LRRC7: variants seen among roughly 807,000 people sequenced by gnomAD.
LRRC7 encodes the protein leucine-rich repeat-containing protein 7.
LRRC7 carries 23 observed loss-of-function variants against 175.7 expected under a neutral mutation model. The observed-to-expected ratio is 0.13, with a 90% CI of 0.09 to 0.19. The LOEUF (loss-of-function observed/expected upper bound fraction) is 0.19. LRRC7 is among the 10% of genes least tolerant of loss of function. LRRC7 has a pLI of 1.00. For missense variants in LRRC7, 1,354 were observed against 1,904.7 expected, an observed-to-expected ratio of 0.71 and a Z score of 5.38; for synonymous variants, 685 against 680.9, an observed-to-expected ratio of 1.01 and a Z score of -0.09.
chr1:69,684,850 A>G (rs1324504102), intron 2 of LRRC7, among the ~76,000 whole-genome samples: 1 of 152,192 alleles, frequency 6.6e-6, no homozygotes, highest in Admixed American at 6.5e-5. Context: ...TATAATCCCA[A>G]TCGACAGGCA....
intron 5 of LRRC7, among the ~76,000 whole-genome samples, chr1:69,827,657 G>C (rs1321107876): frequency 6.6e-6 from 1 of 151,996 alleles, no homozygotes; most frequent in Non-Finnish European, 1.5e-5. Flanking sequence ...TGGCAACATG[G>C]TGAAACCCTG....
At chr1:69,873,999 CCGAATATAATTGCT>C (rs1557837456) in intron 7 of LRRC7, 1 of 152,088 alleles carries the variant, frequency 6.6e-6, no homozygotes, top group Non-Finnish European at 1.5e-5. Context: ...TCTTCAGAGA[CCGAATATAATTGCT>C]CGTTTTTCTG....
chr1:69,773,999 G>T (rs1672535282), intron 3 of LRRC7, among the ~76,000 whole-genome samples: 1 of 152,152 alleles, frequency 6.6e-6, no homozygotes, highest in African/African-American at 2.4e-5. Context: ...GAGAGACAGA[G>T]TGATAACTGA....
intron 7 of LRRC7, chr1:69,919,811 G>C (rs904291091): frequency 3.8e-6 from 3 of 781,994 alleles, no homozygotes; most frequent in Non-Finnish European, 6.5e-6. Flanking sequence ...CACGGATTCC[G>C]GCATCCACGT....
At chr1:69,655,760 G>A (rs1417476391) in intron 1 of LRRC7, among the ~76,000 whole-genome samples, 1 of 152,006 alleles carries the variant, frequency 6.6e-6, no homozygotes, top group African/African-American at 2.4e-5. Flanking sequence ...TTTGTTTCTT[G>A]AGCTATAGAT....
intron 1 of LRRC7, among the ~76,000 whole-genome samples, chr1:69,591,280 T>G (rs1008958074): frequency 2.0e-5 from 3 of 152,124 alleles, no homozygotes; most frequent in African/African-American, 7.2e-5. Context: ...GTTCAGTTAC[T>G]GTGGAAGAGC....
At chr1:69,663,742 T>G (rs542495202) in intron 1 of LRRC7, among the ~76,000 whole-genome samples, 1 of 124,022 alleles carries the variant, frequency 8.1e-6, no homozygotes, top group South Asian at 2.9e-4. Context: ...TGAGACGGAG[T>G]CTCGCTCTGT....
intron 8 of LRRC7, among the ~76,000 whole-genome samples, chr1:69,972,070 A>G (rs960744898): frequency 1.3e-5 from 2 of 152,226 alleles, no homozygotes; most frequent in Non-Finnish European, 2.9e-5. Flanking sequence ...GGCAAGCCAC[A>G]TGTAGGAGAA....
At chr1:69,647,817 A>AT (rs1410905626) in intron 1 of LRRC7, among the ~76,000 whole-genome samples, 2 of 151,936 alleles carry the variant, frequency 1.3e-5, no homozygotes, top group African/African-American at 4.8e-5. Flanking sequence ...ATATGGGATG[A>AT]TTTTTTCAAT....
chr1:70,104,122 G>A (rs1664986546), intron 25 of LRRC7, among the ~76,000 whole-genome samples: 1 of 152,146 alleles, frequency 6.6e-6, no homozygotes. Flanking sequence ...TGGAAGTTAG[G>A]AGATAGCTTT....
At chr1:69,678,788 G>A (rs1375318120) in intron 2 of LRRC7, among the ~76,000 whole-genome samples, 5 of 152,190 alleles carry the variant, frequency 3.3e-5, no homozygotes, top group East Asian at 3.9e-4. Context: ...GCATGGTAAT[G>A]GTTCTGAGAC....
intron 1 of LRRC7, among the ~76,000 whole-genome samples, chr1:69,675,315 T>C (rs1434363925): frequency 1.3e-5 from 2 of 152,082 alleles, no homozygotes; most frequent in Non-Finnish European, 2.9e-5. Context: ...CTAATCTGTT[T>C]TTGAGTTTTT....
At position 70,130,748 on chromosome 1, in the gene LRRC7, A is replaced by T. The variant is rs879538344; in HGVS notation, c.*8861A>T. ...AAGAAGTCATGCACATTGTCACTAG[A>T]TTACGTTACCTAAGCAATTTTTACA... On this transcript the variant is annotated 3_prime_UTR_variant, in exon 27 of 27. Transcript: ENST00000651989. Among the ~76,000 whole-genome samples, 3 of 152,278 alleles carry T rather than the reference A, an allele frequency of 2.0e-5. No individual in the cohort carries two copies. The highest frequency in any genetic ancestry group is 2.1e-4 in the South Asian group (1 of 4,824).
At chr1:70,068,716 ATTTTTCT>A (rs1186137476) in intron 23 of LRRC7, among the ~76,000 whole-genome samples, 3 of 151,544 alleles carry the variant, frequency 2.0e-5, no homozygotes, top group Admixed American at 2.0e-4. Context: ...ATTGGTATGA[ATTTTTCT>A]TTTTTCTTTT....
chr1:70,019,182 G>C (rs1303340989), intron 15 of LRRC7, among the ~76,000 whole-genome samples: 1 of 151,982 alleles, frequency 6.6e-6, no homozygotes, highest in Non-Finnish European at 1.5e-5. Context: ...CAATGAACTG[G>C]TTTAGTTGCT....
intron 2 of LRRC7, among the ~76,000 whole-genome samples, chr1:69,720,461 A>G (rs550117876): frequency 6.6e-6 from 1 of 151,752 alleles, no homozygotes; most frequent in African/African-American, 2.4e-5. Flanking sequence ...ACCTATTTCT[A>G]TTCGTGTTTA....
intron 2 of LRRC7, among the ~76,000 whole-genome samples, chr1:69,679,333 CT>C (rs1266218134): frequency 6.6e-6 from 1 of 151,990 alleles, no homozygotes; most frequent in Non-Finnish European, 1.5e-5. Flanking sequence ...CTGAAGTATA[CT>C]GTTAAGTAGA....
At chr1:69,820,090 T>G (rs1353405889) in intron 4 of LRRC7, among the ~76,000 whole-genome samples, 1 of 152,082 alleles carries the variant, frequency 6.6e-6, no homozygotes, top group Non-Finnish European at 1.5e-5. Context: ...TTCTGATTGT[T>G]TTATAGTTTC....
chr1:69,877,948 T>A (rs1417888705), intron 7 of LRRC7, among the ~76,000 whole-genome samples: 1 of 152,004 alleles, frequency 6.6e-6, no homozygotes. Context: ...GGATGTGGTG[T>A]GAGACTATCA....
Sources: gnomAD v4.1 joint callset for allele counts (sites outside exome capture counted in the v4.1 genomes callset) on GRCh38, gnomAD v4.1.1 for gene constraint, MANE v1.5 for transcripts, NCBI Gene and HGNC (gene_info 2026-07-23, HGNC 2026-07-21) for gene names.